Variants in DNAH6 observed in about 807,000 individuals in gnomAD.
DNAH6 encodes the protein axonemal beta dynein heavy chain 6.
A neutral mutation model predicts 491.4 loss-of-function variants in DNAH6; 340 were observed. That is an observed-to-expected ratio of 0.69 (90% CI 0.63 to 0.76). The LOEUF (loss-of-function observed/expected upper bound fraction) is 0.76. Among genes scored for constraint, DNAH6 ranks in the 30% least tolerant of loss-of-function variants. DNAH6 has a pLI of 0.00. For missense variants in DNAH6, 4,443 were observed against 4,972.2 expected (o/e 0.89, Z 3.20); for synonymous variants, 1,603 against 1,686.1 (o/e 0.95, Z 1.21).
intron 62 of DNAH6, 135 bp from the exon 63 acceptor site, chr2:84,744,945 G>C (rs1055538281): frequency 3.7e-5 from 18 of 491,408 alleles, no homozygotes; most frequent in Non-Finnish European, 5.9e-5. Context: ...TAGCAGGGGA[G>C]ACTGATGTAT....
chr2:84,644,803 G>A (rs995198820), intron 33 of DNAH6, among the ~76,000 whole-genome samples: 12 of 152,170 alleles, frequency 7.9e-5, no homozygotes, highest in Non-Finnish European at 1.6e-4. Flanking sequence ...ATTATTCCAA[G>A]GTGCATATGT....
chr2:84,761,721 C>T (rs1310961175), intron 63 of DNAH6, among the ~76,000 whole-genome samples: 3 of 151,868 alleles, frequency 2.0e-5, no homozygotes, highest in African/African-American at 7.3e-5. Context: ...GGGTGTGATC[C>T]AAGGCCATGG....
chr2:84,579,414 A>T, intron 13 of DNAH6, 113 bp from the exon 14 acceptor site: 1 of 1,161,568 alleles, frequency 8.6e-7, no homozygotes, highest in Non-Finnish European at 1.2e-6. Context: ...CTTCGTATTC[A>T]CTGCTGCTTC....
At chr2:84,644,100 T>A (rs192148524) in intron 33 of DNAH6, among the ~76,000 whole-genome samples, 1 of 152,202 alleles carries the variant, frequency 6.6e-6, no homozygotes, top group Non-Finnish European at 1.5e-5. Flanking sequence ...AGTCTTTTAA[T>A]GAGCCTATGC....
intron 64 of DNAH6, among the ~76,000 whole-genome samples, chr2:84,773,328 T>C (rs897522477): frequency 5.9e-5 from 9 of 152,188 alleles, no homozygotes; most frequent in Admixed American, 5.2e-4. Context: ...TAGTTTTCTG[T>C]TTCTGTGTTA....
In DNAH6 at chr2:84,581,809, T is replaced by C. The variant is rs556202063; in HGVS notation, c.2229+2130T>C. Among the ~76,000 whole-genome samples, 9 of 152,314 alleles carry C rather than the reference T, an allele frequency of 5.9e-5. No homozygotes were observed. In the East Asian group the frequency reaches 1.2e-3, roughly 20 times the overall value. ...GATGTTAAGTAGAATTGAAAGGACTTAATGGGCAACTGAATGAGGGGACAG... is the reference window on the plus strand; with the variant it reads ...GATGTTAAGTAGAATTGAAAGGACTCAATGGGCAACTGAATGAGGGGACAG... On this transcript the variant is annotated intron_variant, in intron 14 of 76. Transcript: ENST00000389394.
intron 59 of DNAH6, among the ~76,000 whole-genome samples, chr2:84,721,536 T>A (rs1433486945): frequency 6.6e-6 from 1 of 152,100 alleles, no homozygotes; most frequent in South Asian, 2.1e-4. Flanking sequence ...TAGCCTGAAT[T>A]AAGATGTATT....
intron 33 of DNAH6, among the ~76,000 whole-genome samples, chr2:84,646,162 C>CA (rs1255467104): frequency 6.6e-6 from 1 of 152,142 alleles, no homozygotes; most frequent in African/African-American, 2.4e-5. Flanking sequence ...TTATGGTGAT[C>CA]TGTGATCATT....
At chr2:84,477,432 A>G in the DNAH6 span, among the ~76,000 whole-genome samples, 35 of 152,214 alleles carry the variant, frequency 2.3e-4, no homozygotes, top group Non-Finnish European at 5.0e-4. Context: ...TCCCAATACT[A>G]TTTAAGATGG....
At chr2:84,758,573 T>C (rs987216436) in intron 63 of DNAH6, among the ~76,000 whole-genome samples, 2 of 151,982 alleles carry the variant, frequency 1.3e-5, no homozygotes, top group Admixed American at 1.3e-4. Flanking sequence ...GATAATATAA[T>C]ATAAAGATAA....
At chr2:84,667,639 G>T (rs1692276024) in intron 37 of DNAH6, among the ~76,000 whole-genome samples, 2 of 152,184 alleles carry the variant, frequency 1.3e-5, no homozygotes, top group South Asian at 4.1e-4. Context: ...TACACTGTTG[G>T]TGGGACTGTA....
At chr2:84,730,045 G>A (rs945835844) in intron 61 of DNAH6, among the ~76,000 whole-genome samples, 3 of 152,188 alleles carry the variant, frequency 2.0e-5, no homozygotes, top group African/African-American at 7.2e-5. Flanking sequence ...GACCTAGAAA[G>A]AATAAAAGAT....
intron 9 of DNAH6, 81 bp downstream of exon 9, chr2:84,550,138 T>C (rs1679187039): frequency 8.7e-7 from 1 of 1,155,370 alleles, no homozygotes; most frequent in East Asian, 2.6e-5. Context: ...AATTATGCTA[T>C]TTTCTGTGCA....
chr2:84,576,167 A>C (rs1682425448), intron 12 of DNAH6, among the ~76,000 whole-genome samples: 1 of 152,214 alleles, frequency 6.6e-6, no homozygotes, highest in Admixed American at 6.5e-5. Flanking sequence ...CAGATCATTT[A>C]ACATCTTAAT....
chr2:84,761,191 C>T (rs981321040), intron 63 of DNAH6, among the ~76,000 whole-genome samples: 10 of 151,948 alleles, frequency 6.6e-5, no homozygotes, highest in African/African-American at 2.4e-4. Context: ...GCACTGGAGA[C>T]CACTGTCTTA....
intron 12 of DNAH6, among the ~76,000 whole-genome samples, chr2:84,576,496 A>G (rs750819236): frequency 2.1e-4 from 32 of 152,170 alleles, no homozygotes; most frequent in Admixed American, 2.0e-4. Flanking sequence ...AAGGAAATCA[A>G]TTTGACCCAA....
chr2:84,702,272 T>G (rs1695985185), intron 49 of DNAH6, among the ~76,000 whole-genome samples: 2 of 152,198 alleles, frequency 1.3e-5, no homozygotes, highest in South Asian at 4.1e-4. Context: ...TATCTACCTC[T>G]TGGATTGTCG....
chr2:84,668,358 C>G lies in DNAH6; in HGVS notation c.6085-931C>G, dbSNP rs555388119. ...ACACATATGTATGTATTTACAGAGT[C>G]ACAATGAAAAATGAATTTCTTACTA... On this transcript the variant is annotated intron_variant, in intron 37 of 76. Transcript: ENST00000389394. Among the ~76,000 whole-genome samples the G allele has an allele frequency of 2.0e-4, 30 of 152,220 alleles. 1 individual carries two copies. Among genetic ancestry groups the G allele is most frequent in the African/African-American group, 7.0e-4 (29 of 41,544 alleles).
intron 62 of DNAH6, among the ~76,000 whole-genome samples, chr2:84,740,286 T>C (rs1479800331): frequency 1.3e-5 from 2 of 152,086 alleles, no homozygotes; most frequent in Non-Finnish European, 2.9e-5. Context: ...TAAGAACTGA[T>C]GGGTACAAGC....
Sources: allele counts gnomAD v4.1 joint callset (sites outside exome capture counted in the v4.1 genomes callset), GRCh38; gene constraint gnomAD v4.1.1; transcripts MANE v1.5; gene names NCBI Gene and HGNC (gene_info 2026-07-23, HGNC 2026-07-21).